TENM3: variants seen among roughly 807,000 people sequenced by gnomAD.
The protein encoded by TENM3 is teneurin-3.
TENM3 carries 63 observed loss-of-function variants against 255.1 expected under a neutral mutation model. The ratio of observed to expected loss-of-function variants is 0.25; its 90% CI spans 0.20 to 0.30. The LOEUF (loss-of-function observed/expected upper bound fraction) is 0.30, where lower values mean the gene tolerates loss of function less well. Among genes scored for constraint, TENM3 ranks in the 10% least tolerant of loss-of-function variants. The pLI is 1.00. For missense variants in TENM3, 2,929 were observed against 3,461.1 expected (o/e 0.85, Z 3.86); for synonymous variants, 1,306 against 1,322.3 (o/e 0.99, Z 0.27).
the TENM3 span, among the ~76,000 whole-genome samples, chr4:181,479,695 T>C: frequency 6.6e-6 from 1 of 152,266 alleles, no homozygotes; most frequent in Admixed American, 6.5e-5. Context: ...ACCTTGTTGA[T>C]ACTGAAAAGA....
chr4:182,220,672 A>G (rs921933231), intron 1 of TENM3, among the ~76,000 whole-genome samples: 23 of 152,182 alleles, frequency 1.5e-4, no homozygotes, highest in Non-Finnish European at 3.1e-4. Context: ...TTATGGATGG[A>G]AAGTTTAGGT....
intron 19 of TENM3, among the ~76,000 whole-genome samples, chr4:182,745,100 A>G (rs1283647114): frequency 6.6e-6 from 1 of 152,234 alleles, no homozygotes; most frequent in Admixed American, 6.5e-5. Context: ...CTTTTAGATG[A>G]ATAAGTCAAC....
At chr4:182,048,734 A>G in the TENM3 span, among the ~76,000 whole-genome samples, 1 of 143,510 alleles carries the variant, frequency 7.0e-6, no homozygotes, top group Non-Finnish European at 1.5e-5. Flanking sequence ...ATGAGAGCCA[A>G]TCTCACTTTT....
At chr4:182,228,659 A>G (rs1465391392) in intron 1 of TENM3, among the ~76,000 whole-genome samples, 1 of 152,140 alleles carries the variant, frequency 6.6e-6, no homozygotes, top group Non-Finnish European at 1.5e-5. Flanking sequence ...ACAACATAGC[A>G]TCAAGAAAGT....
chr4:182,015,436 T>G, the TENM3 span, among the ~76,000 whole-genome samples: 1 of 152,252 alleles, frequency 6.6e-6, no homozygotes, highest in Non-Finnish European at 1.5e-5. Context: ...TGTTTGGACT[T>G]CTTACTGGAT....
At chr4:181,897,008 G>T in the TENM3 span, among the ~76,000 whole-genome samples, 1 of 152,116 alleles carries the variant, frequency 6.6e-6, no homozygotes, top group Non-Finnish European at 1.5e-5. Context: ...TGCAGCCTTT[G>T]TTGTCCATCC....
intron 4 of TENM3, among the ~76,000 whole-genome samples, chr4:182,622,897 G>C (rs1023601674): frequency 6.6e-6 from 1 of 152,172 alleles, no homozygotes; most frequent in East Asian, 1.9e-4. Flanking sequence ...ACAAACCATA[G>C]ATGATTTGTG....
At chr4:181,688,109 A>G in the TENM3 span, among the ~76,000 whole-genome samples, 1 of 152,156 alleles carries the variant, frequency 6.6e-6, no homozygotes, top group Non-Finnish European at 1.5e-5. Context: ...CTCTATTTCT[A>G]GAACCTGTGG....
chr4:181,470,831 A>G, the TENM3 span, among the ~76,000 whole-genome samples: 1 of 152,208 alleles, frequency 6.6e-6, no homozygotes, highest in Non-Finnish European at 1.5e-5. Flanking sequence ...ACCAAGAGGC[A>G]ACACGACACA....
Position 182,346,731 on chromosome 4 carries a change from C to A in TENM3, c.313C>A (p.Leu105Ile). Residue 105 changes from leucine to isoleucine, a missense_variant, in exon 3 of 28, where the codon CTC becomes ATC. Physicochemically the swap from Leu to Ile is conservative, Grantham distance 5. This residue lies in a region of TENM3 where 283 missense variants were observed against 256.9 expected (regional missense o/e 1.10). Coordinates refer to ENST00000511685, the MANE Select transcript of TENM3 (RefSeq NM_001080477.4). ...RGLAFCAEMGLPHRGYSISAG... is the reference protein window; with the variant it reads ...RGLAFCAEMGIPHRGYSISAG... ...ACTGGCATTTTGTGCGGAAATGGGG[C>A]TCCCTCACAGAGGTTACTCTATCAG... 6.2e-7 allele frequency: 1 copy of A among 1,613,592 alleles called. No individual in the cohort carries two copies. The highest frequency in any genetic ancestry group is 8.5e-7 in the Non-Finnish European group (1 of 1,179,700).
chr4:182,565,569 G>A (rs564805165), intron 3 of TENM3, among the ~76,000 whole-genome samples: 38 of 152,216 alleles, frequency 2.5e-4, no homozygotes, highest in African/African-American at 7.2e-4. Flanking sequence ...ATTGAAATTA[G>A]CATCCCTCAT....
chr4:182,123,741 G>A, the TENM3 span, among the ~76,000 whole-genome samples: 2 of 152,200 alleles, frequency 1.3e-5, no homozygotes, highest in Non-Finnish European at 2.9e-5. Context: ...GAGACACGAA[G>A]TGAGCACACG....
At chr4:181,954,333 A>G in the TENM3 span, among the ~76,000 whole-genome samples, 1 of 152,210 alleles carries the variant, frequency 6.6e-6, no homozygotes, top group Non-Finnish European at 1.5e-5. Flanking sequence ...TGTTAATTTT[A>G]TAAAAAGCTG....
At chr4:181,596,447 CACA>C in the TENM3 span, among the ~76,000 whole-genome samples, 2 of 152,082 alleles carry the variant, frequency 1.3e-5, no homozygotes, top group Non-Finnish European at 1.5e-5. Flanking sequence ...TCCTCAGAGC[CACA>C]ACAAGGAGAA....
intron 4 of TENM3, among the ~76,000 whole-genome samples, chr4:182,609,938 T>C (rs1748827678): frequency 6.6e-6 from 1 of 152,200 alleles, no homozygotes; most frequent in Admixed American, 6.5e-5. Context: ...CAAAGGTAAA[T>C]TGACATCTAC....
At chr4:182,328,762 C>T (rs1763578389) in intron 2 of TENM3, among the ~76,000 whole-genome samples, 1 of 152,096 alleles carries the variant, frequency 6.6e-6, no homozygotes, top group Non-Finnish European at 1.5e-5. Context: ...TAATGCTGAG[C>T]ACTCCCAGCC....
chr4:182,552,367 C>G lies in TENM3; in HGVS notation c.512-48557C>G, dbSNP rs370303016. Among the ~76,000 whole-genome samples, 15 of 152,312 alleles carry G rather than the reference C, an allele frequency of 9.8e-5. No individual in the cohort carries two copies. The South Asian group carries it at 2.3e-3, about 23-fold the overall frequency. ...AATGATTGTCAACCCATTAATTCTT[C>G]ATTTACTGAACATCTCCTTATGTTT... On this transcript the variant is annotated intron_variant, in intron 3 of 27. Coordinates refer to ENST00000511685, the MANE Select transcript of TENM3 (RefSeq NM_001080477.4).
At chr4:182,333,585 A>G (rs1028305354) in intron 2 of TENM3, among the ~76,000 whole-genome samples, 5 of 152,324 alleles carry the variant, frequency 3.3e-5, no homozygotes, top group Middle Eastern at 3.4e-3. Flanking sequence ...ATATGGTAGT[A>G]ATATTTGACA....
chr4:182,425,157 T>C (rs1389167605), intron 3 of TENM3, among the ~76,000 whole-genome samples: 4 of 152,250 alleles, frequency 2.6e-5, no homozygotes, highest in African/African-American at 9.6e-5. Context: ...CCATCCTAGC[T>C]GCTGTGCTGT....
Sources: gnomAD v4.1 joint callset for allele counts (sites outside exome capture counted in the v4.1 genomes callset) on GRCh38, gnomAD v4.1.1 for gene constraint, gnomAD v4.1.1 regional missense constraint, MANE v1.5 for transcripts, NCBI Gene and HGNC (gene_info 2026-07-23, HGNC 2026-07-21) for gene names.